The following PPP2R2B variants were observed in gnomAD, a reference collection of about 807,000 sequenced individuals.
The protein encoded by PPP2R2B is protein phosphatase 2 regulatory subunit Bbeta.
In PPP2R2B, 5 loss-of-function variants were observed where a neutral mutation model predicts 46.0. The ratio of observed to expected loss-of-function variants is 0.11; its 90% confidence interval spans 0.06 to 0.23. The LOEUF (loss-of-function observed/expected upper bound fraction) is 0.23. Among genes scored for constraint, PPP2R2B ranks in the 10% least tolerant of loss-of-function variants. The pLI, the probability that PPP2R2B is intolerant of heterozygous loss-of-function variation, is 1.00. For missense variants in PPP2R2B, 367 were observed against 575.0 expected (o/e 0.64, Z 3.70); for synonymous variants, 215 against 206.7 (o/e 1.04, Z -0.34).
At chr5:146,724,688 G>A (rs1273437000) in intron 2 of PPP2R2B, among the ~76,000 whole-genome samples, 4 of 152,006 alleles carry the variant, frequency 2.6e-5, no homozygotes, top group Non-Finnish European at 5.9e-5. Context: ...CCATTAACAC[G>A]GTCCCAAAGG....
At chr5:146,934,583 GAAAA>G (rs3062352) in intron 1 of PPP2R2B, among the ~76,000 whole-genome samples, 23 of 31,496 alleles carry the variant, frequency 7.3e-4, no homozygotes, top group East Asian at 6.3e-3. Context: ...TTTTTCATAA[GAAAA>G]AAAAAAAAAA....
chr5:146,816,453 AT>A (rs1435022587), intron 2 of PPP2R2B, among the ~76,000 whole-genome samples: 2 of 152,212 alleles, frequency 1.3e-5, no homozygotes, highest in Non-Finnish European at 2.9e-5. Context: ...GACAATAGAA[AT>A]TTAGTAAATT....
At chr5:146,948,104 C>T (rs188723208) in intron 1 of PPP2R2B, among the ~76,000 whole-genome samples, 3 of 151,900 alleles carry the variant, frequency 2.0e-5, no homozygotes, top group Non-Finnish European at 4.4e-5. Flanking sequence ...TTTCCCTTAC[C>T]CTATAAACCC....
chr5:146,867,018 A>C (rs185062473), intron 2 of PPP2R2B, among the ~76,000 whole-genome samples: 126 of 152,316 alleles, frequency 8.3e-4, no homozygotes, highest in African/African-American at 3.0e-3. Flanking sequence ...TTTGTTTCCA[A>C]ATCTCCTGAT....
chr5:146,638,360 T>TGCTGTGATCACC lies in PPP2R2B; in HGVS notation c.669_680dup (p.Val224_Ala227dup). 6.2e-7 allele frequency: 1 copy of TGCTGTGATCACC among 1,613,292 alleles called. No individual in the cohort carries two copies. The highest frequency in any genetic ancestry group is 8.5e-7 in the Non-Finnish European group (1 of 1,179,312). Reference sequence around the variant, plus strand: ...TGCAATGATGGGGGTGGAACTCGGCTGCTGTGATCACCTCCGTGAGCTCCT... The same window carrying TGCTGTGATCACC: ...TGCAATGATGGGGGTGGAACTCGGCTGCTGTGATCACCGCTGTGATCACCTCCGTGAGCTCCT... On this transcript the variant is annotated inframe_insertion, in exon 7 of 10. Coordinates refer to ENST00000394411, the MANE Select transcript of PPP2R2B (RefSeq NM_181675.4).
chr5:146,974,820 C>G (rs990577889), intron 1 of PPP2R2B, among the ~76,000 whole-genome samples: 2 of 151,672 alleles, frequency 1.3e-5, no homozygotes, highest in Non-Finnish European at 2.9e-5. Flanking sequence ...TCCTGAGTAG[C>G]TGGGACTACA....
intron 2 of PPP2R2B, among the ~76,000 whole-genome samples, chr5:146,722,360 G>C (rs1228271809): frequency 1.3e-5 from 2 of 152,156 alleles, no homozygotes; most frequent in African/African-American, 2.4e-5. Context: ...CTTAGGCTAT[G>C]GCTTAACTCA....
At position 146,878,561 on chromosome 5, in the gene PPP2R2B, C is replaced by G. The variant is rs1317401378; in HGVS notation, c.-125+30G>C. On this transcript the variant is annotated intron_variant, in intron 1 of 9. Transcript: ENST00000394411. This position sits in a 1 kb window ranked among gnomAD's most constrained non-coding sequence, Gnocchi z 4.5. ...CCTTTCTGGACCCGAGCTGCAGTGG[C>G]GAGATGGCAGGGACAGGATTCAGGC... is the stretch of plus-strand genomic sequence containing the variant. 8.0e-7 allele frequency: 1 copy of G among 1,250,486 alleles called. No homozygotes were observed. Among genetic ancestry groups the G allele is most frequent in the Non-Finnish European group, 1.0e-6 (1 of 976,544 alleles). The allele number at this position is 1,250,486 out of a possible 1,614,324, so 77.5% of individuals were successfully genotyped here. A position where few individuals can be genotyped will look rare whatever the true frequency, so the allele number is the denominator to read the frequency against.
At chr5:146,590,396 G>GTTTTTTTTTTT (rs1561746835) in intron 9 of PPP2R2B, among the ~76,000 whole-genome samples, 170 bp from the exon 10 acceptor site, 1 of 125,762 alleles carries the variant, frequency 8.0e-6, no homozygotes, top group Non-Finnish European at 1.7e-5. Context: ...TTTTTTTTTT[G>GTTTTTTTTTTT]TGTTTTTTTT....
chr5:147,042,567 C>T (rs1756362995), intron 1 of PPP2R2B, among the ~76,000 whole-genome samples: 1 of 152,132 alleles, frequency 6.6e-6, no homozygotes, highest in South Asian at 2.1e-4. Flanking sequence ...TAGCCTTTTG[C>T]TGCTACTAAC....
chr5:146,894,721 T>G (rs1762592798), intron 1 of PPP2R2B, among the ~76,000 whole-genome samples: 1 of 152,224 alleles, frequency 6.6e-6, no homozygotes. Flanking sequence ...ATTACAGGCA[T>G]GAGCCACCAC....
chr5:146,814,701 T>C (rs1176474329), intron 2 of PPP2R2B, among the ~76,000 whole-genome samples: 2 of 152,140 alleles, frequency 1.3e-5, no homozygotes, highest in African/African-American at 4.8e-5. Context: ...AGTAAACACA[T>C]TGCACATGTG....
At chr5:146,674,367 G>T (rs1333687350) in intron 5 of PPP2R2B, among the ~76,000 whole-genome samples, 3 of 152,142 alleles carry the variant, frequency 2.0e-5, no homozygotes, top group African/African-American at 7.2e-5. Context: ...TCAACTATGG[G>T]ATTTCTGCCC....
chr5:146,774,487 A>G (rs1755053377), intron 2 of PPP2R2B, among the ~76,000 whole-genome samples: 1 of 152,032 alleles, frequency 6.6e-6, no homozygotes, highest in African/African-American at 2.4e-5. Flanking sequence ...TACTAACATT[A>G]TTACTGAGTT....
intron 2 of PPP2R2B, among the ~76,000 whole-genome samples, chr5:146,813,191 T>A (rs1020909729): frequency 5.9e-5 from 9 of 151,822 alleles, no homozygotes; most frequent in African/African-American, 1.7e-4. Flanking sequence ...CAGTGCCTAG[T>A]GCATAGGAAG....
At chr5:146,706,073 C>T (rs566047573) in intron 2 of PPP2R2B, among the ~76,000 whole-genome samples, 20 of 152,242 alleles carry the variant, frequency 1.3e-4, no homozygotes, top group South Asian at 4.1e-4. Flanking sequence ...TGAACTCCCC[C>T]GCGGGTGGGC....
At chr5:146,812,379 A>T (rs951826592) in intron 2 of PPP2R2B, among the ~76,000 whole-genome samples, 3 of 145,790 alleles carry the variant, frequency 2.1e-5, no homozygotes, top group African/African-American at 7.6e-5. Context: ...CTGTTTGTTT[A>T]TGTTTGGGCA....
At chr5:147,077,950 C>T (rs1270756269) in intron 2 of PPP2R2B, among the ~76,000 whole-genome samples, 2 of 152,212 alleles carry the variant, frequency 1.3e-5, no homozygotes, top group Non-Finnish European at 2.9e-5. Flanking sequence ...TCCAGGCCCT[C>T]ATTCTAGACT....
At chr5:146,907,000 G>A (rs1343269544) in intron 1 of PPP2R2B, among the ~76,000 whole-genome samples, 4 of 152,178 alleles carry the variant, frequency 2.6e-5, no homozygotes, top group African/African-American at 9.7e-5. Context: ...AGGGGGCGCT[G>A]CAGGGACAGA....
Sources: allele counts gnomAD v4.1 joint callset (sites outside exome capture counted in the v4.1 genomes callset), GRCh38; gene constraint gnomAD v4.1.1; non-coding constraint Gnocchi (gnomAD v3.1); transcripts MANE v1.5; gene names NCBI Gene and HGNC (gene_info 2026-07-23, HGNC 2026-07-21).